Variants in CFAP46 observed in about 807,000 individuals in gnomAD.
CFAP46 encodes the protein cilia and flagella associated protein 46.
Under a neutral mutation model 325.7 loss-of-function variants are expected in CFAP46, and 245 were observed. The observed-to-expected ratio is 0.75, with a 90% CI of 0.68 to 0.84. The LOEUF (loss-of-function observed/expected upper bound fraction) is 0.84, where lower values mean the gene tolerates loss of function less well. Ranked by LOEUF, CFAP46 falls within the 40% of genes least tolerant of loss-of-function variation. The pLI, the probability that CFAP46 is intolerant of heterozygous loss-of-function variation, is 0.00. For synonymous variants in CFAP46, 1,523 were observed against 1,495.9 expected, an observed-to-expected ratio of 1.02 and a Z score of -0.42; for missense variants, 3,346 against 3,543.0, an observed-to-expected ratio of 0.94 and a Z score of 1.41.
At chr10:132,863,223 G>T (rs74161917) in intron 35 of CFAP46, among the ~76,000 whole-genome samples, 1,535 of 152,114 alleles carry the variant, frequency 0.01, 24 homozygotes, top group African/African-American at 0.035. Flanking sequence ...TAAGTCCCAG[G>T]GCTCTCACCA....
rs750846548 is a variant in CFAP46, at chr10:132,814,861, C to A, written c.7171G>T (p.Ala2391Ser). 1.2e-6 allele frequency: 2 copies of A among 1,614,080 alleles called. No homozygotes were observed. Among genetic ancestry groups the A allele is most frequent in the African/African-American group, 1.3e-5 (1 of 74,934 alleles). The change falls in exon 51 of 58, where the codon GCG becomes TCG. Residue 2391 changes from alanine (A) to serine (S), a missense_variant. Ala to Ser is a moderately conservative substitution (Grantham distance 99). Coordinates refer to ENST00000368586, the MANE Select transcript of CFAP46 (RefSeq NM_001200049.3). ...RSRDPKKRSL[A>S]KKGRKGSIPR... Reference sequence around the variant, plus strand: ...CCACCCACCTTCCTGCCCTTCTTCGCTAGGCTTCTCTTTTTGGGGTCTCTG... The same window carrying A: ...CCACCCACCTTCCTGCCCTTCTTCGATAGGCTTCTCTTTTTGGGGTCTCTG...
intron 20 of CFAP46, 63 bp from the exon 21 acceptor site, chr10:132,909,307 T>A: frequency 8.9e-7 from 1 of 1,127,986 alleles, no homozygotes. Flanking sequence ...GGAATATGCG[T>A]GAATTTAACA....
At chr10:132,887,116 TC>T (rs1849145842) in intron 25 of CFAP46, among the ~76,000 whole-genome samples, 1 of 129,414 alleles carries the variant, frequency 7.7e-6, no homozygotes, top group African/African-American at 3.0e-5. Flanking sequence ...CTCTTTCACC[TC>T]TCTCTCTCCT....
At chr10:132,890,776 A>C (rs76047304) in intron 25 of CFAP46, among the ~76,000 whole-genome samples, 2 of 152,196 alleles carry the variant, frequency 1.3e-5, no homozygotes, top group African/African-American at 4.8e-5. Flanking sequence ...TCATGCCTGC[A>C]GGACCAGCAA....
intron 16 of CFAP46, among the ~76,000 whole-genome samples, chr10:132,917,605 A>G (rs1344377521): frequency 6.6e-6 from 1 of 152,240 alleles, no homozygotes; most frequent in East Asian, 1.9e-4. Flanking sequence ...CATCCACACA[A>G]CTGCAGATTC....
intron 44 of CFAP46, among the ~76,000 whole-genome samples, chr10:132,840,734 C>T (rs919921067): frequency 8.5e-5 from 13 of 152,152 alleles, no homozygotes; most frequent in African/African-American, 3.1e-4. Context: ...TTTCAAGGTG[C>T]CCGTGTTTCT....
intron 44 of CFAP46, among the ~76,000 whole-genome samples, chr10:132,844,928 A>T (rs1848409247): frequency 6.6e-6 from 1 of 152,108 alleles, no homozygotes; most frequent in Admixed American, 6.5e-5. Flanking sequence ...ATCATGGCTC[A>T]CTGCAGCCTC....
intron 50 of CFAP46, among the ~76,000 whole-genome samples, chr10:132,824,505 ATGTGTGCTGATGTGTGC>A (rs1240724101): frequency 1.9e-5 from 1 of 51,282 alleles, no homozygotes; most frequent in Non-Finnish European, 3.5e-5. Context: ...CTGTGTGCTG[ATGTGTGCTGATGTGTGC>A]TGTGTGCTGA....
At chr10:132,913,705 G>A (rs1029911976) in intron 17 of CFAP46, among the ~76,000 whole-genome samples, 10 of 152,240 alleles carry the variant, frequency 6.6e-5, no homozygotes, top group East Asian at 1.9e-4. Context: ...TTCCCCACCC[G>A]CCCTCGCTAA....
At chr10:132,899,159 G>A (rs1002008232) in intron 23 of CFAP46, 38 bp from the exon 24 acceptor site, 1 of 1,529,378 alleles carries the variant, frequency 6.5e-7, no homozygotes, top group Non-Finnish European at 8.8e-7. Flanking sequence ...GGCTCCACCT[G>A]GGCCCACCTG....
intron 15 of CFAP46, 62 bp from the exon 16 acceptor site, chr10:132,918,582 G>T: frequency 6.8e-7 from 1 of 1,471,946 alleles, no homozygotes; most frequent in South Asian, 1.4e-5. Flanking sequence ...AAAAACACAA[G>T]AATTCCTGAA....
intron 7 of CFAP46, among the ~76,000 whole-genome samples, chr10:132,935,426 C>T (rs1005154258): frequency 6.9e-6 from 1 of 144,088 alleles, no homozygotes; most frequent in African/African-American, 2.8e-5. Flanking sequence ...GAGATCTTCT[C>T]ATTCCCCTCA....
At chr10:132,824,843 A>C (rs1396057978) in intron 50 of CFAP46, among the ~76,000 whole-genome samples, 1 of 86,946 alleles carries the variant, frequency 1.2e-5, no homozygotes, top group East Asian at 3.6e-4. Context: ...GTGCTGTGTG[A>C]GCGCTGATGT....
rs1034983866 is a variant in CFAP46 at position 132,886,155 on chromosome 10, C to T, written c.3305-196G>A. ...CATGGCCCCTCCAGCCCCACAGTGG[C>T]CACCCGGGATGCCCTTTCCGTTGCA... is the stretch of plus-strand genomic sequence containing the variant. On this transcript the variant is annotated intron_variant, in intron 25 of 57. Coordinates refer to ENST00000368586, the MANE Select transcript of CFAP46 (RefSeq NM_001200049.3). This position sits in a 1 kb window ranked among gnomAD's most constrained non-coding sequence, Gnocchi z 5.8. Among the ~76,000 whole-genome samples, 3 of 152,190 alleles carry T rather than the reference C, an allele frequency of 2.0e-5. No individual in the cohort carries two copies. Among genetic ancestry groups the T allele is most frequent in the Non-Finnish European group, 2.9e-5 (2 of 68,012 alleles).
chr10:132,879,437 G>A lies in CFAP46; in HGVS notation c.3994C>T (p.His1332Tyr), dbSNP rs1165964177. ...CCLAAYAFFR[H>Y]IWQVSLMTAG... ...GCGCTGGGCCTCACCTGCCAGATGTGCCTGAAGAAGGCGTAGGCTGCAAGG... is the reference window on the plus strand; with the variant it reads ...GCGCTGGGCCTCACCTGCCAGATGTACCTGAAGAAGGCGTAGGCTGCAAGG... The change falls in exon 29 of 58, where the codon CAC (histidine) becomes TAC (tyrosine). Residue 1332 changes from histidine (H) to tyrosine (Y), a missense_variant. His to Tyr is a moderately conservative substitution (Grantham distance 83, BLOSUM62 2). Coordinates refer to ENST00000368586, the MANE Select transcript of CFAP46 (RefSeq NM_001200049.3). 2.0e-6 allele frequency: 3 copies of A among 1,524,526 alleles called. No homozygotes were observed. The highest frequency in any genetic ancestry group is 1.2e-5 in the South Asian group (1 of 80,864). 94.4% of individuals were successfully genotyped at this position (1,524,526 alleles called of 1,614,324 possible). A position where few individuals can be genotyped will look rare whatever the true frequency, so the allele number is the denominator to read the frequency against.
chr10:132,929,709 C>G lies in CFAP46; in HGVS notation c.962G>C (p.Ser321Thr). The G allele has an allele frequency of 6.2e-7, 1 of 1,613,924 alleles. No individual in the cohort carries two copies. The highest frequency in any genetic ancestry group is 8.5e-7 in the Non-Finnish European group (1 of 1,179,880). ...CAGTGTCATGAAGCCACTTACTTTGCTTTCCATCTTCTTCAGGTCTGAGAG... is the reference window on the plus strand; with the variant it reads ...CAGTGTCATGAAGCCACTTACTTTGGTTTCCATCTTCTTCAGGTCTGAGAG... Reference protein sequence around the residue: ...ACLSDLKKMESKDPGKLIEME... With the variant: ...ACLSDLKKMETKDPGKLIEME... The change falls in exon 9 of 58, where the codon AGC (serine) becomes ACC (threonine). Residue 321 changes from serine to threonine, a missense_variant. By Grantham distance (58) the Ser-to-Thr change is moderately conservative. Transcript: ENST00000368586.
rs1378254713 is a variant in CFAP46 at position 132,886,016 on chromosome 10, C to T, written c.3305-57G>A. The T allele has an allele frequency of 6.5e-7, 1 of 1,533,284 alleles. No homozygotes were observed. The highest frequency in any genetic ancestry group is 8.8e-7 in the Non-Finnish European group (1 of 1,135,704). The allele number at this position is 1,533,284 out of a possible 1,614,324, so 95.0% of individuals were successfully genotyped here. On this transcript the variant is annotated intron_variant, in intron 25 of 57. Coordinates refer to ENST00000368586, the MANE Select transcript of CFAP46 (RefSeq NM_001200049.3). This position sits in a 1 kb window ranked among gnomAD's most constrained non-coding sequence, Gnocchi z 5.8. ...CCGCCTGATCCCTCATCAAAGGCGCCCTCGGACCTCCCAGACTAAGCTGCC... is the reference window on the plus strand; with the variant it reads ...CCGCCTGATCCCTCATCAAAGGCGCTCTCGGACCTCCCAGACTAAGCTGCC...
intron 28 of CFAP46, 47 bp downstream of exon 28, chr10:132,880,814 C>A: frequency 1.3e-6 from 2 of 1,527,622 alleles, no homozygotes; most frequent in Admixed American, 2.0e-5. Flanking sequence ...AAGCAGAGCT[C>A]TGGGGAGCGG....
intron 13 of CFAP46, among the ~76,000 whole-genome samples, chr10:132,921,862 G>A (rs900191066): frequency 1.4e-4 from 22 of 152,336 alleles, no homozygotes; most frequent in African/African-American, 5.0e-4. Flanking sequence ...TCTAAGCAGC[G>A]GAGCCTGTGG....
Sources: allele counts gnomAD v4.1 joint callset (sites outside exome capture counted in the v4.1 genomes callset), GRCh38; gene constraint gnomAD v4.1.1; non-coding constraint Gnocchi (gnomAD v3.1); transcripts MANE v1.5; gene names NCBI Gene and HGNC (gene_info 2026-07-23, HGNC 2026-07-21).